The following RPS6KC1 variants were observed in gnomAD, a reference collection of about 807,000 sequenced individuals.
RPS6KC1 encodes the protein ribosomal protein S6 kinase C1, also known as inactive ribosomal protein S6 kinase delta-1.
Under a neutral mutation model 103.8 loss-of-function variants are expected in RPS6KC1, and 54 were observed. The observed-to-expected ratio is 0.52, with a 90% CI of 0.42 to 0.65. The LOEUF is 0.65. Ranked by LOEUF, RPS6KC1 falls within the 30% of genes least tolerant of loss-of-function variation. The pLI is 0.00. For missense variants in RPS6KC1, 1,151 were observed against 1,253.8 expected (o/e 0.92, Z 1.24); for synonymous variants, 439 against 438.7 (o/e 1.00, Z -0.01).
chr1:213,224,497 A>G (rs1370823031), intron 8 of RPS6KC1, among the ~76,000 whole-genome samples: 1 of 152,254 alleles, frequency 6.6e-6, no homozygotes, highest in African/African-American at 2.4e-5. Context: ...AAAGGGAGAA[A>G]TACATTAATT....
chr1:213,630,861 G>C, the RPS6KC1 span, among the ~76,000 whole-genome samples: 2 of 152,174 alleles, frequency 1.3e-5, no homozygotes, highest in African/African-American at 4.8e-5. Flanking sequence ...TGTTTTCCTG[G>C]GTATAAGCAG....
At chr1:213,605,883 C>T in the RPS6KC1 span, among the ~76,000 whole-genome samples, 1 of 152,088 alleles carries the variant, frequency 6.6e-6, no homozygotes, top group Non-Finnish European at 1.5e-5. Context: ...GAGACAACGC[C>T]AGGTGCTGAG....
the RPS6KC1 span, among the ~76,000 whole-genome samples, chr1:213,293,252 C>T: frequency 6.6e-6 from 1 of 152,176 alleles, no homozygotes; most frequent in Non-Finnish European, 1.5e-5. Context: ...TTTTTGTACT[C>T]ATTAAAATGC....
At chr1:213,850,662 T>G in the RPS6KC1 span, among the ~76,000 whole-genome samples, 1 of 152,252 alleles carries the variant, frequency 6.6e-6, no homozygotes. Flanking sequence ...TTTACGTGTT[T>G]GTTCCCTAGT....
chr1:213,118,025 A>G (rs2083888836), intron 5 of RPS6KC1, among the ~76,000 whole-genome samples: 1 of 146,262 alleles, frequency 6.8e-6, no homozygotes. Flanking sequence ...TTGTCTCAAA[A>G]AAAAAAAAAA....
the RPS6KC1 span, among the ~76,000 whole-genome samples, chr1:213,358,881 A>G: frequency 6.6e-6 from 1 of 152,138 alleles, no homozygotes; most frequent in Admixed American, 6.5e-5. Context: ...TGAGTTTCTT[A>G]ATCCTGAGTT....
chr1:213,833,552 C>T, the RPS6KC1 span, among the ~76,000 whole-genome samples: 1 of 152,174 alleles, frequency 6.6e-6, no homozygotes, highest in African/African-American at 2.4e-5. Flanking sequence ...TTTGACTCCT[C>T]ATCCTCCACA....
intron 8 of RPS6KC1, among the ~76,000 whole-genome samples, chr1:213,217,251 C>T (rs1284734445): frequency 1.3e-5 from 2 of 151,912 alleles, no homozygotes; most frequent in African/African-American, 4.9e-5. Context: ...CACCTCTACT[C>T]AAATAAACTA....
At chr1:213,568,178 C>T in the RPS6KC1 span, among the ~76,000 whole-genome samples, 1 of 152,226 alleles carries the variant, frequency 6.6e-6, no homozygotes, top group African/African-American at 2.4e-5. Context: ...TTCTATTTGA[C>T]TGTAAAGATA....
the RPS6KC1 span, among the ~76,000 whole-genome samples, chr1:213,608,985 AAATT>A: frequency 6.6e-6 from 1 of 152,228 alleles, no homozygotes; most frequent in South Asian, 2.1e-4. Flanking sequence ...TTTTTACACT[AAATT>A]AATGAATGTG....
chr1:213,109,294 G>A lies in RPS6KC1; in HGVS notation c.378+4725G>A, dbSNP rs565849781. Among the ~76,000 whole-genome samples the A allele has an allele frequency of 4.3e-4, 66 of 152,062 alleles. 2 individuals are homozygous for A. The Middle Eastern group carries it at 0.02, about 47-fold the overall frequency. The stretch of plus-strand genomic sequence containing the variant: ...TGGGATGACAGGCGCCCGCCAGCAC[G>A]CCTGGCTAATTTTTTTGTATTTTTA... On this transcript the variant is annotated intron_variant, in intron 4 of 14. Coordinates refer to ENST00000366960, the MANE Select transcript of RPS6KC1 (RefSeq NM_012424.6).
intron 5 of RPS6KC1, among the ~76,000 whole-genome samples, chr1:213,128,597 T>C (rs1396274044): frequency 1.3e-5 from 2 of 152,200 alleles, no homozygotes; most frequent in African/African-American, 2.4e-5. Flanking sequence ...CAGTAGCACC[T>C]ATTACCTCTT....
At chr1:213,720,308 C>T in the RPS6KC1 span, among the ~76,000 whole-genome samples, 635 of 152,318 alleles carry the variant, frequency 4.2e-3, 6 homozygotes, top group Middle Eastern at 0.014. Flanking sequence ...TTAGAATTGA[C>T]GCACTCAACA....
At chr1:213,346,853 C>T in the RPS6KC1 span, among the ~76,000 whole-genome samples, 39 of 152,160 alleles carry the variant, frequency 2.6e-4, 1 homozygote, top group South Asian at 3.5e-3. Flanking sequence ...GAGGATGAGA[C>T]GCATGTGGAG....
chr1:213,216,059 C>T (rs1209614886), intron 8 of RPS6KC1, among the ~76,000 whole-genome samples: 1 of 152,088 alleles, frequency 6.6e-6, no homozygotes, highest in African/African-American at 2.4e-5. Flanking sequence ...GGGCTAAATG[C>T]TCAATTAAAA....
chr1:213,082,959 C>T (rs1057146447), intron 3 of RPS6KC1, among the ~76,000 whole-genome samples: 1 of 152,104 alleles, frequency 6.6e-6, no homozygotes, highest in Non-Finnish European at 1.5e-5. Flanking sequence ...AGTAGGGCTT[C>T]GTGGAAGTGT....
chr1:213,074,113 CTA>C (rs1309732576), intron 2 of RPS6KC1, among the ~76,000 whole-genome samples: 2 of 152,084 alleles, frequency 1.3e-5, no homozygotes, highest in Non-Finnish European at 2.9e-5. Context: ...AATATTAAAA[CTA>C]TGTGAGCGTG....
the RPS6KC1 span, among the ~76,000 whole-genome samples, chr1:213,511,556 C>T: frequency 3.2e-4 from 49 of 152,180 alleles, no homozygotes; most frequent in Non-Finnish European, 4.4e-4. Context: ...CCCCCAGCAG[C>T]CCTTTATTCA....
intron 3 of RPS6KC1, among the ~76,000 whole-genome samples, chr1:213,081,301 T>C (rs1420336282): frequency 6.6e-6 from 1 of 152,104 alleles, no homozygotes; most frequent in Non-Finnish European, 1.5e-5. Flanking sequence ...TTGCTTCCAC[T>C]CATGGCAGAA....
Sources: gnomAD v4.1 joint callset for allele counts (sites outside exome capture counted in the v4.1 genomes callset) on GRCh38, gnomAD v4.1.1 for gene constraint, MANE v1.5 for transcripts, NCBI Gene and HGNC (gene_info 2026-07-23, HGNC 2026-07-21) for gene names.